TTC17: variants seen among roughly 807,000 people sequenced by gnomAD.
TTC17 encodes the protein tetratricopeptide repeat protein 17.
TTC17 carries 58 observed loss-of-function variants against 143.8 expected under a neutral mutation model. The ratio of observed to expected loss-of-function variants is 0.40; its 90% confidence interval spans 0.33 to 0.50. The LOEUF (loss-of-function observed/expected upper bound fraction) is 0.50. Among genes scored for constraint, TTC17 ranks in the 20% least tolerant of loss-of-function variants. The probability of loss-of-function intolerance (pLI) is 0.49; values close to 1 mark genes in which losing one functional copy is unlikely to be tolerated. For synonymous variants in TTC17, 501 were observed against 497.8 expected (o/e 1.01, Z -0.09); for missense variants, 1,273 against 1,392.5 (o/e 0.91, Z 1.37).
At chr11:43,422,629 G>A (rs1219055115) in intron 16 of TTC17, among the ~76,000 whole-genome samples, 5 of 152,294 alleles carry the variant, frequency 3.3e-5, no homozygotes, top group Admixed American at 3.3e-4. Flanking sequence ...CAAGCCAAGT[G>A]AAGAAAATGT....
chr11:43,395,482 T>C (rs1347452181), intron 5 of TTC17: 3 of 152,202 alleles, frequency 2.0e-5, no homozygotes, highest in African/African-American at 4.8e-5. Flanking sequence ...AATGAAAGCA[T>C]TTGTTGATTT....
intron 21 of TTC17, among the ~76,000 whole-genome samples, chr11:43,474,437 A>G (rs1377314501): frequency 6.6e-6 from 1 of 152,232 alleles, no homozygotes; most frequent in Non-Finnish European, 1.5e-5. Context: ...GGAGAGGACA[A>G]GGAATGAAGC....
chr11:43,359,318 C>T (rs544108938), intron 1 of TTC17: 2 of 636,454 alleles, frequency 3.1e-6, no homozygotes, highest in Non-Finnish European at 4.9e-6. Flanking sequence ...CGTTTGGCCC[C>T]CTAGAAGTTC....
At chr11:43,390,718 A>G (rs543362178) in intron 3 of TTC17, among the ~76,000 whole-genome samples, 4 of 152,010 alleles carry the variant, frequency 2.6e-5, no homozygotes, top group Non-Finnish European at 5.9e-5. Context: ...AAAAAAATTA[A>G]CAAAAACTAC....
rs779874780 is a variant in TTC17, at chr11:43,406,359, CT to C, written c.1761+410del. On this transcript the variant is annotated intron_variant, in intron 13 of 23. Coordinates refer to ENST00000039989, the MANE Select transcript of TTC17 (RefSeq NM_018259.6). ...CTGGCCTTATCAACCCTGCTGTGAC[CT>C]TATATGAGGTCCATAGGAATTTATA... Among the ~76,000 whole-genome samples the C allele has an allele frequency of 9.5e-4, 145 of 152,192 alleles. 1 individual carries two copies. The highest frequency in any genetic ancestry group is 1.8e-3 in the Non-Finnish European group (125 of 68,010).
chr11:43,478,681 C>T (rs991882264), intron 21 of TTC17, among the ~76,000 whole-genome samples: 11 of 152,114 alleles, frequency 7.2e-5, no homozygotes, highest in Non-Finnish European at 1.5e-4. Flanking sequence ...AGTCTTAGCT[C>T]GCTGCAGCCT....
chr11:43,372,891 C>T (rs773868710), intron 1 of TTC17, among the ~76,000 whole-genome samples: 3 of 151,816 alleles, frequency 2.0e-5, no homozygotes, highest in Non-Finnish European at 2.9e-5. Context: ...ATATTAACCA[C>T]TAAAAATATT....
chr11:43,397,058 A>C (rs947741012), intron 6 of TTC17: 1 of 470,406 alleles, frequency 2.1e-6, no homozygotes, highest in Non-Finnish European at 3.8e-6. Context: ...ATGCCCTATG[A>C]TTCACATGAT....
chr11:43,480,045 A>G (rs1053134295), intron 21 of TTC17, among the ~76,000 whole-genome samples: 1 of 152,206 alleles, frequency 6.6e-6, no homozygotes, highest in African/African-American at 2.4e-5. Context: ...TCTAGTGCAC[A>G]TGTTTGCTGA....
intron 21 of TTC17, among the ~76,000 whole-genome samples, chr11:43,453,799 C>T (rs947952576): frequency 3.3e-5 from 5 of 152,172 alleles, no homozygotes; most frequent in African/African-American, 1.2e-4. Context: ...TTGAAAATAC[C>T]ATAGGTCGAA....
intron 16 of TTC17, among the ~76,000 whole-genome samples, chr11:43,439,228 A>G (rs1025945465): frequency 3.9e-5 from 6 of 152,130 alleles, no homozygotes; most frequent in African/African-American, 7.2e-5. Context: ...TTTTGGTGCA[A>G]TATATCAGCT....
chr11:43,467,193 A>G (rs1261175535), intron 21 of TTC17, among the ~76,000 whole-genome samples: 4 of 152,246 alleles, frequency 2.6e-5, no homozygotes, highest in African/African-American at 7.2e-5. Flanking sequence ...AAAGAATTGA[A>G]AGCAGAATTC....
intron 16 of TTC17, among the ~76,000 whole-genome samples, chr11:43,434,450 T>C (rs1392616398): frequency 1.3e-5 from 2 of 152,148 alleles, no homozygotes; most frequent in African/African-American, 4.8e-5. Context: ...ATAAACCTGA[T>C]CCAGATCTCA....
At chr11:43,449,535 A>G (rs909524894) in intron 19 of TTC17, 1 of 152,328 alleles carries the variant, frequency 6.6e-6, no homozygotes, top group Non-Finnish European at 1.5e-5. Context: ...ACATGGTAAC[A>G]GCAGGGACTA....
intron 15 of TTC17, among the ~76,000 whole-genome samples, chr11:43,409,701 A>C (rs1858314928): frequency 6.6e-6 from 1 of 152,240 alleles, no homozygotes; most frequent in Non-Finnish European, 1.5e-5. Flanking sequence ...GATTGGCCAC[A>C]GGGCAAATAC....
At chr11:43,458,334 G>GC (rs1947802427) in intron 21 of TTC17, among the ~76,000 whole-genome samples, 4 of 152,116 alleles carry the variant, frequency 2.6e-5, no homozygotes, top group Admixed American at 2.6e-4. Context: ...GGTCTCTCCA[G>GC]CTCCCCATGG....
chr11:43,434,769 CTTAAAACA>C (rs1947247694), intron 16 of TTC17, among the ~76,000 whole-genome samples: 2 of 152,140 alleles, frequency 1.3e-5, no homozygotes, highest in Non-Finnish European at 2.9e-5. Flanking sequence ...AGCTAAAACT[CTTAAAACA>C]AAGAATCCTC....
chr11:43,385,474 T>C (rs1857134826), intron 2 of TTC17: 1 of 152,176 alleles, frequency 6.6e-6, no homozygotes, highest in Admixed American at 6.5e-5. Context: ...AAATCACCCA[T>C]GGTTTAAAGA....
In TTC17 at chr11:43,404,077, C is replaced by T. The variant is rs772131550; in HGVS notation, c.1412C>T (p.Ser471Leu). 12 of 1,613,144 alleles carry T rather than the reference C, an allele frequency of 7.4e-6. No homozygotes were observed. Among genetic ancestry groups the T allele is most frequent in the South Asian group, 2.2e-5 (2 of 90,992 alleles). ...VQSNQSDIND[S>L]VKSSPVAHSI... The stretch of plus-strand genomic sequence containing the variant: ...TCAAATCAGAGTGATATCAATGATT[C>T]GGTCAAGTCTTCTCCCGTAGCCCAT... The change falls in exon 11 of 24, where the codon TCG becomes TTG. Residue 471 changes from serine (S) to leucine (L), a missense_variant. Physicochemically the swap from Ser to Leu is moderately radical, Grantham distance 145. Transcript: ENST00000039989.
Sources: gnomAD v4.1 joint callset for allele counts (sites outside exome capture counted in the v4.1 genomes callset) on GRCh38, gnomAD v4.1.1 for gene constraint, MANE v1.5 for transcripts, NCBI Gene and HGNC (gene_info 2026-07-23, HGNC 2026-07-21) for gene names.